Variants in AMPH observed in about 807,000 individuals in gnomAD.
The protein encoded by AMPH is amphiphysin.
In AMPH, 49 loss-of-function variants were observed where a neutral mutation model predicts 99.1. The ratio of observed to expected loss-of-function variants is 0.49; its 90% CI spans 0.39 to 0.63. The LOEUF (loss-of-function observed/expected upper bound fraction) is 0.63. Among genes scored for constraint, AMPH ranks in the 20% least tolerant of loss-of-function variants. The pLI is 0.00. For synonymous variants in AMPH, 314 were observed against 317.3 expected, an observed-to-expected ratio of 0.99 and a Z score of 0.11; for missense variants, 759 against 863.4, an observed-to-expected ratio of 0.88 and a Z score of 1.52.
At chr7:38,488,116 C>A (rs1255854301) in intron 5 of AMPH, among the ~76,000 whole-genome samples, 1 of 152,132 alleles carries the variant, frequency 6.6e-6, no homozygotes, top group Non-Finnish European at 1.5e-5. Flanking sequence ...GACAGTGTGG[C>A]AATTCCTCAA....
At chr7:38,469,291 C>T (rs1433611337) in intron 7 of AMPH, among the ~76,000 whole-genome samples, 1 of 151,902 alleles carries the variant, frequency 6.6e-6, no homozygotes, top group African/African-American at 2.4e-5. Context: ...CACCATTTCC[C>T]CAAATGTGGC....
intron 2 of AMPH, among the ~76,000 whole-genome samples, chr7:38,531,554 C>T (rs1230720073): frequency 6.6e-6 from 1 of 152,158 alleles, no homozygotes; most frequent in East Asian, 1.9e-4. Flanking sequence ...CAAACACAGA[C>T]CTTTCTGCCA....
intron 3 of AMPH, among the ~76,000 whole-genome samples, chr7:38,499,015 G>C (rs1390814824): frequency 6.6e-6 from 1 of 152,056 alleles, no homozygotes; most frequent in Non-Finnish European, 1.5e-5. Context: ...CTAATGACTT[G>C]ATGGCCACCT....
intron 1 of AMPH, among the ~76,000 whole-genome samples, chr7:38,613,437 A>G (rs1217773153): frequency 6.6e-6 from 1 of 152,174 alleles, no homozygotes; most frequent in Non-Finnish European, 1.5e-5. Context: ...CTTCCAACCA[A>G]TTAGACTAAA....
rs1367693069 is a variant in AMPH, at chr7:38,436,428, A to G, written c.1018-40T>C. 2.1e-6 allele frequency: 3 copies of G among 1,451,704 alleles called. No individual in the cohort carries two copies. The South Asian group carries it at 3.4e-5, about 17-fold the overall frequency. 89.9% of individuals were successfully genotyped at this position (1,451,704 alleles called of 1,614,324 possible). On this transcript the variant is annotated intron_variant, in intron 11 of 20. Transcript: ENST00000356264. ...AACAAAACAAAATAAAACATGTATT[A>G]GCTTGAATCTGATAAGACCATGATA...
chr7:38,501,320 A>G (rs1404280231), intron 3 of AMPH, among the ~76,000 whole-genome samples: 1 of 152,142 alleles, frequency 6.6e-6, no homozygotes, highest in Admixed American at 6.5e-5. Context: ...CCTCCTGAGT[A>G]GCTGGGACTA....
chr7:38,551,038 G>A (rs1042963828), intron 1 of AMPH, among the ~76,000 whole-genome samples: 6 of 152,084 alleles, frequency 3.9e-5, no homozygotes, highest in Non-Finnish European at 5.9e-5. Flanking sequence ...ACCATCAGTG[G>A]CTTGCTCAAA....
At chr7:38,468,651 A>G (rs775775263) in intron 7 of AMPH, among the ~76,000 whole-genome samples, 16 of 152,338 alleles carry the variant, frequency 1.1e-4, no homozygotes, top group Admixed American at 2.0e-4. Flanking sequence ...TCTCCAATTT[A>G]TGAAGTCAGA....
intron 13 of AMPH, 22 bp downstream of exon 13, chr7:38,432,167 A>C (rs779914438): frequency 6.2e-7 from 1 of 1,607,784 alleles, no homozygotes; most frequent in Non-Finnish European, 8.5e-7. Context: ...TACATGAAAA[A>C]ACAGAGTTAT....
intron 17 of AMPH, among the ~76,000 whole-genome samples, chr7:38,416,616 C>T (rs933955287): frequency 2.6e-5 from 4 of 152,102 alleles, no homozygotes; most frequent in African/African-American, 4.8e-5. Context: ...ATAATAGTAA[C>T]GAAAAATTAA....
intron 1 of AMPH, among the ~76,000 whole-genome samples, chr7:38,627,685 A>T: frequency 6.6e-6 from 1 of 150,862 alleles, no homozygotes; most frequent in Non-Finnish European, 1.5e-5. Flanking sequence ...TAAAGGAAAG[A>T]TATGGTCTGC....
At chr7:38,462,672 G>T (rs1383685920) in intron 10 of AMPH, among the ~76,000 whole-genome samples, 1 of 152,140 alleles carries the variant, frequency 6.6e-6, no homozygotes, top group Non-Finnish European at 1.5e-5. Flanking sequence ...TTTAAATGGA[G>T]CATTGAAAGA....
chr7:38,448,494 A>C (rs1413610950), intron 11 of AMPH, among the ~76,000 whole-genome samples: 1 of 152,218 alleles, frequency 6.6e-6, no homozygotes, highest in Admixed American at 6.5e-5. Flanking sequence ...AGGCATAGTA[A>C]GAGATTGATG....
intron 1 of AMPH, among the ~76,000 whole-genome samples, chr7:38,593,611 A>G (rs1792938541): frequency 6.6e-6 from 1 of 152,236 alleles, no homozygotes; most frequent in Non-Finnish European, 1.5e-5. Flanking sequence ...TTGCTCTGCA[A>G]AGAAGAATGC....
At chr7:38,505,540 T>G (rs1789293156) in intron 2 of AMPH, among the ~76,000 whole-genome samples, 1 of 152,238 alleles carries the variant, frequency 6.6e-6, no homozygotes, top group Non-Finnish European at 1.5e-5. Context: ...TCAAGGTTTC[T>G]ATTCCCTTGT....
intron 1 of AMPH, among the ~76,000 whole-genome samples, chr7:38,596,139 T>A (rs902991482): frequency 6.6e-6 from 1 of 152,188 alleles, no homozygotes; most frequent in East Asian, 1.9e-4. Context: ...ATCTCCAAAC[T>A]GAGAAAACTC....
rs913440600 is a variant in AMPH at position 38,458,983 on chromosome 7, C to CA, written c.1017+2299dup. ...GCTAGAAAAAATGAAAGAATCCACCCAAAAAAAACCTCCTAAATTTGATAA... is the reference window on the plus strand; with the variant it reads ...GCTAGAAAAAATGAAAGAATCCACCCAAAAAAAAACCTCCTAAATTTGATAA... On this transcript the variant is annotated intron_variant, in intron 11 of 20. Transcript: ENST00000356264. Among the ~76,000 whole-genome samples the CA allele has an allele frequency of 3.3e-4, 50 of 151,394 alleles. 1 individual carries two copies. The Middle Eastern group carries it at 0.01, about 31-fold the overall frequency.
Position 38,514,407 on chromosome 7 carries a change from T to C in AMPH, c.151-10703A>G, listed in dbSNP as rs139194206. ...TAAAATTTGGAAAATATTTACACAA[T>C]AAGATGGTTTTCAACATTAAAGAAC... On this transcript the variant is annotated intron_variant, in intron 2 of 20. Coordinates refer to ENST00000356264, the MANE Select transcript of AMPH (RefSeq NM_001635.4). 5.9e-5 allele frequency among the ~76,000 whole-genome samples: 9 copies of C among 152,300 alleles called. No individual in the cohort carries two copies. In the East Asian group the frequency reaches 1.7e-3, roughly 29 times the overall value.
intron 17 of AMPH, among the ~76,000 whole-genome samples, chr7:38,413,879 G>A (rs1584057620): frequency 1.3e-5 from 2 of 152,170 alleles, no homozygotes; most frequent in Admixed American, 6.5e-5. Flanking sequence ...CAGGGGAAAC[G>A]CTAGCTCTCA....
Sources: gnomAD v4.1 joint callset for allele counts (sites outside exome capture counted in the v4.1 genomes callset) on GRCh38, gnomAD v4.1.1 for gene constraint, MANE v1.5 for transcripts, NCBI Gene and HGNC (gene_info 2026-07-23, HGNC 2026-07-21) for gene names.